Variants in ZMAT5 observed in about 807,000 individuals in gnomAD.
ZMAT5 encodes zinc finger matrin-type 5.
Under a neutral mutation model 28.0 loss-of-function variants are expected in ZMAT5, and 23 were observed. The observed-to-expected ratio is 0.82, with a 90% confidence interval of 0.59 to 1.16. The LOEUF (loss-of-function observed/expected upper bound fraction) is 1.16. Among genes scored for constraint, ZMAT5 ranks in the 50% most tolerant of loss-of-function variants. The probability of loss-of-function intolerance (pLI) is 0.00; values close to 1 mark genes in which losing one functional copy is unlikely to be tolerated. For missense variants in ZMAT5, 173 were observed against 212.7 expected, an observed-to-expected ratio of 0.81 and a Z score of 1.16; for synonymous variants, 76 against 84.1, an observed-to-expected ratio of 0.90 and a Z score of 0.52.
At chr22:29,740,621 C>G in intron 4 of ZMAT5, 29 bp downstream of exon 4, 1 of 1,572,458 alleles carries the variant, frequency 6.4e-7, no homozygotes, top group Non-Finnish European at 8.6e-7. Flanking sequence ...ACCCCACTCC[C>G]GCTTAGCCCA....
intron 4 of ZMAT5, among the ~76,000 whole-genome samples, chr22:29,739,374 C>T (rs751615083): frequency 6.6e-6 from 1 of 152,058 alleles, no homozygotes; most frequent in Non-Finnish European, 1.5e-5. Context: ...GGAGCTCACT[C>T]GGGGCCAGGC....
chr22:29,731,677 A>T, intron 5 of ZMAT5: 1 of 283,276 alleles, frequency 3.5e-6, no homozygotes. Flanking sequence ...CTGTGTAAGA[A>T]TTAAGGCAGA....
At chr22:29,738,077 G>A (rs905591373) in intron 5 of ZMAT5, among the ~76,000 whole-genome samples, 8 of 152,084 alleles carry the variant, frequency 5.3e-5, no homozygotes, top group Non-Finnish European at 1.0e-4. Context: ...AATCAGCTCT[G>A]CCGCCTGCCT....
chr22:29,739,124 G>A (rs183417510), intron 4 of ZMAT5, among the ~76,000 whole-genome samples: 20 of 152,280 alleles, frequency 1.3e-4, no homozygotes, highest in African/African-American at 2.2e-4. Flanking sequence ...GTCACCTGCC[G>A]GGTCTTTGAC....
intron 5 of ZMAT5, chr22:29,731,613 G>T: frequency 2.2e-6 from 1 of 445,484 alleles, no homozygotes; most frequent in South Asian, 2.9e-5. Flanking sequence ...GTGTCCACCT[G>T]TGGGGGACTG....
At chr22:29,752,394 G>A (rs374009591) in intron 1 of ZMAT5, among the ~76,000 whole-genome samples, 1 of 152,244 alleles carries the variant, frequency 6.6e-6, no homozygotes, top group East Asian at 1.9e-4. Flanking sequence ...ACTCCATGGG[G>A]GGCAAACCAG....
At position 29,766,923 on chromosome 22, in the gene ZMAT5, GC is replaced by G. The variant is rs1224565392; in HGVS notation, c.-80del. ...GTGCGGAGAAAAGAGACTAGGACTC[GC>G]CCCTCGACGTCTCGCGGAAGGTACC... On this transcript the variant is annotated 5_prime_UTR_variant, in exon 1 of 6. Transcript: ENST00000344318. 1 of 155,720 alleles carries G rather than the reference GC, an allele frequency of 6.4e-6. No homozygotes were observed. Among genetic ancestry groups the G allele is most frequent in the African/African-American group, 2.4e-5 (1 of 41,476 alleles). The allele number at this position is 155,720 out of a possible 1,614,324, so 9.6% of individuals were successfully genotyped here. A position where few individuals can be genotyped will look rare whatever the true frequency, so the allele number is the denominator to read the frequency against.
intron 5 of ZMAT5, among the ~76,000 whole-genome samples, chr22:29,733,627 T>C (rs1210898341): frequency 6.6e-6 from 1 of 152,188 alleles, no homozygotes; most frequent in East Asian, 1.9e-4. Flanking sequence ...CCGCAGTTGC[T>C]GGAAGGGAGT....
Position 29,731,641 on chromosome 22 carries a change from G to A in ZMAT5, c.384-287C>T, listed in dbSNP as rs751176083. On this transcript the variant is annotated intron_variant, in intron 5 of 5. Coordinates refer to ENST00000344318, the MANE Select transcript of ZMAT5 (RefSeq NM_001003692.2). ...GGGGACTGATTCAATACATATGCAC[G>A]TCCACAGCAGAGAATGCCATGCGGC... 8.8e-5 allele frequency: 33 copies of A among 373,204 alleles called. No homozygotes were observed. The East Asian group carries it at 1.4e-3, about 15-fold the overall frequency. The allele number at this position is 373,204 out of a possible 1,614,324, so 23.1% of individuals were successfully genotyped here.
intron 5 of ZMAT5, among the ~76,000 whole-genome samples, chr22:29,733,065 G>A (rs905880408): frequency 2.6e-5 from 4 of 152,194 alleles, no homozygotes; most frequent in Non-Finnish European, 5.9e-5. Context: ...TTATAGATGA[G>A]GAAACTGAGG....
At chr22:29,753,914 A>T (rs1321835958) in intron 1 of ZMAT5, among the ~76,000 whole-genome samples, 2 of 152,002 alleles carry the variant, frequency 1.3e-5, no homozygotes, top group Non-Finnish European at 2.9e-5. Context: ...TCCCGCTCTG[A>T]TGCCTTTGCC....
At chr22:29,757,874 C>T (rs1200234045) in intron 1 of ZMAT5, among the ~76,000 whole-genome samples, 4 of 151,998 alleles carry the variant, frequency 2.6e-5, no homozygotes, top group African/African-American at 9.7e-5. Context: ...AAAAATTAGC[C>T]GGGTGTGGGG....
chr22:29,762,665 C>T, intron 1 of ZMAT5, among the ~76,000 whole-genome samples: 1 of 152,300 alleles, frequency 6.6e-6, no homozygotes, highest in East Asian at 1.9e-4. Flanking sequence ...AAGCTCAGGC[C>T]TCCCACTGAT....
At chr22:29,748,074 C>T (rs1275187236) in intron 2 of ZMAT5, 1 of 365,866 alleles carries the variant, frequency 2.7e-6, no homozygotes, top group East Asian at 7.0e-5. Context: ...ACACCCTCTC[C>T]CTCCTGCTCC....
intron 1 of ZMAT5, among the ~76,000 whole-genome samples, chr22:29,754,657 G>C (rs1056559807): frequency 1.3e-5 from 2 of 152,162 alleles, no homozygotes; most frequent in African/African-American, 2.4e-5. Context: ...GATCACTGGA[G>C]CCCAGGAGCT....
chr22:29,745,828 A>T (rs1396058385), intron 2 of ZMAT5, among the ~76,000 whole-genome samples: 1 of 152,232 alleles, frequency 6.6e-6, no homozygotes, highest in African/African-American at 2.4e-5. Context: ...TTCACACGGT[A>T]TATCCGCAAG....
intron 5 of ZMAT5, 147 bp from the exon 6 acceptor site, chr22:29,731,501 G>C (rs943939804): frequency 4.5e-6 from 5 of 1,122,668 alleles, no homozygotes; most frequent in Non-Finnish European, 6.0e-6. Context: ...TCGAAAATAG[G>C]CAGACCGTTT....
chr22:29,755,368 GGAGAGA>G (rs11474564), intron 1 of ZMAT5, among the ~76,000 whole-genome samples: 1 of 59,246 alleles, frequency 1.7e-5, no homozygotes, highest in African/African-American at 9.5e-5. Context: ...GGAGGGAGGG[GGAGAGA>G]GAGAGAGAGA....
rs537982601 is a variant in ZMAT5 at position 29,757,847 on chromosome 22, G to A, written c.-28+9025C>T. On this transcript the variant is annotated intron_variant, in intron 1 of 5. Transcript: ENST00000344318. ...AGCCTGACCAACATGGGGAAACCTC[G>A]TCTCTACTAAAATACAAAAAATTAG... Among the ~76,000 whole-genome samples, 3 of 152,132 alleles carry A rather than the reference G, an allele frequency of 2.0e-5. No individual in the cohort carries two copies. The South Asian group carries it at 6.2e-4, about 32-fold the overall frequency.
Sources: allele counts gnomAD v4.1 joint callset (sites outside exome capture counted in the v4.1 genomes callset), GRCh38; gene constraint gnomAD v4.1.1; transcripts MANE v1.5; gene names NCBI Gene and HGNC (gene_info 2026-07-23, HGNC 2026-07-21).